The following EBF1 variants were observed in gnomAD, a reference collection of about 807,000 sequenced individuals.
EBF1 encodes EBF transcription factor 1.
A neutral mutation model predicts 68.4 loss-of-function variants in EBF1; 10 were observed. The ratio of observed to expected loss-of-function variants is 0.15; its 90% CI spans 0.09 to 0.25. The LOEUF (loss-of-function observed/expected upper bound fraction) is 0.25, where lower values mean the gene tolerates loss of function less well. Among genes scored for constraint, EBF1 ranks in the 10% least tolerant of loss-of-function variants. The probability of loss-of-function intolerance (pLI) is 1.00; values close to 1 mark genes in which losing one functional copy is unlikely to be tolerated. For synonymous variants in EBF1, 298 were observed against 299.8 expected (o/e 0.99, Z 0.06); for missense variants, 509 against 794.4 (o/e 0.64, Z 4.32).
chr5:158,801,560 T>C (rs1780584708), intron 8 of EBF1, among the ~76,000 whole-genome samples: 1 of 151,984 alleles, frequency 6.6e-6, no homozygotes, highest in Non-Finnish European at 1.5e-5. Context: ...GTGTTGAACT[T>C]TGGCTCAGGA....
chr5:159,047,554 C>T (rs532606746), intron 6 of EBF1, among the ~76,000 whole-genome samples: 109 of 152,094 alleles, frequency 7.2e-4, no homozygotes, highest in African/African-American at 2.5e-3. Flanking sequence ...GATGACTCCT[C>T]GGTTCCTATA....
At chr5:158,867,514 T>C (rs1464617798) in intron 6 of EBF1, among the ~76,000 whole-genome samples, 1 of 152,142 alleles carries the variant, frequency 6.6e-6, no homozygotes, top group African/African-American at 2.4e-5. Context: ...AGAGACACTT[T>C]GGGTCTTTGC....
At chr5:158,934,945 G>T (rs1402919551) in intron 6 of EBF1, among the ~76,000 whole-genome samples, 1 of 152,214 alleles carries the variant, frequency 6.6e-6, no homozygotes, top group Non-Finnish European at 1.5e-5. Context: ...AAACAGACTT[G>T]TTGAGTTTAA....
intron 6 of EBF1, among the ~76,000 whole-genome samples, chr5:158,997,533 A>G (rs974549981): frequency 9.2e-5 from 14 of 152,124 alleles, no homozygotes; most frequent in African/African-American, 2.4e-5. Context: ...AAATTCACCA[A>G]TGATGCCCAT....
intron 4 of EBF1, among the ~76,000 whole-genome samples, chr5:159,092,066 G>C (rs1454514455): frequency 6.6e-6 from 1 of 152,044 alleles, no homozygotes; most frequent in African/African-American, 2.4e-5. Context: ...ACTCACTATA[G>C]CAATCACAGA....
In EBF1 at chr5:158,698,645, T is replaced by C. The variant is rs1756123865; in HGVS notation, c.*466A>G. ...TCCTATTCTGTCCCATACAAGCTTT[T>C]TTTTTTTTCCTTTTTTTCTTTTTTT... On this transcript the variant is annotated 3_prime_UTR_variant, in exon 16 of 16. Transcript: ENST00000313708. 1 of 195,354 alleles carries C rather than the reference T, an allele frequency of 5.1e-6. No homozygotes were observed. Among genetic ancestry groups the C allele is most frequent in the East Asian group, 8.1e-5 (1 of 12,334 alleles). The allele number at this position is 195,354 out of a possible 1,614,324, so 12.1% of individuals were successfully genotyped here. A position where few individuals can be genotyped will look rare whatever the true frequency, so the allele number is the denominator to read the frequency against.
chr5:158,771,345 A>G (rs904467679), intron 10 of EBF1, among the ~76,000 whole-genome samples: 2 of 152,174 alleles, frequency 1.3e-5, no homozygotes, highest in Non-Finnish European at 2.9e-5. Context: ...AGATAAGAAA[A>G]TGAAATTCAT....
intron 6 of EBF1, among the ~76,000 whole-genome samples, chr5:159,003,212 T>C (rs771925443): frequency 5.9e-5 from 9 of 152,192 alleles, no homozygotes; most frequent in Non-Finnish European, 1.3e-4. Context: ...CATCACTGGG[T>C]GTGTCTTGCT....
intron 10 of EBF1, among the ~76,000 whole-genome samples, chr5:158,774,218 G>A (rs759507526): frequency 6.6e-6 from 1 of 152,098 alleles, no homozygotes; most frequent in Non-Finnish European, 1.5e-5. Flanking sequence ...ACCAATGAGG[G>A]AGAGATGTAC....
intron 9 of EBF1, among the ~76,000 whole-genome samples, chr5:158,780,485 T>A (rs1435550271): frequency 6.6e-6 from 1 of 152,178 alleles, no homozygotes. Context: ...ATTACATACT[T>A]AATAATTTAA....
chr5:159,023,187 C>G (rs1390926410), intron 6 of EBF1, among the ~76,000 whole-genome samples: 4 of 94,672 alleles, frequency 4.2e-5, no homozygotes, highest in Non-Finnish European at 6.8e-5. Context: ...AGAATTTTCT[C>G]ACTAAAAAAA....
intron 8 of EBF1, among the ~76,000 whole-genome samples, chr5:158,817,328 T>C (rs561083325): frequency 6.6e-6 from 1 of 152,288 alleles, no homozygotes; most frequent in East Asian, 1.9e-4. Context: ...TGTTGAAATG[T>C]AATTGCAGTT....
intron 6 of EBF1, among the ~76,000 whole-genome samples, chr5:158,870,807 T>C (rs1273318011): frequency 1.3e-5 from 2 of 152,230 alleles, no homozygotes; most frequent in East Asian, 3.8e-4. Flanking sequence ...CTTGTTTATA[T>C]TTAACATAGA....
intron 10 of EBF1, among the ~76,000 whole-genome samples, chr5:158,735,698 A>T (rs4990844): frequency 0.25 from 37,558 of 152,072 alleles, 6,278 homozygotes; most frequent in African/African-American, 0.48. Flanking sequence ...AAAAAAAGTT[A>T]ATGAAATGGT....
intron 7 of EBF1, among the ~76,000 whole-genome samples, chr5:158,832,866 C>T (rs1787891296): frequency 1.3e-5 from 2 of 152,142 alleles, no homozygotes; most frequent in South Asian, 4.1e-4. Flanking sequence ...AAAAGCAAAA[C>T]ACATTTTTGG....
chr5:158,709,311 G>A (rs183949664), intron 14 of EBF1, among the ~76,000 whole-genome samples: 6 of 149,940 alleles, frequency 4.0e-5, no homozygotes, highest in Admixed American at 2.0e-4. Flanking sequence ...ACCTTAAGTC[G>A]GGGCCTATCA....
At chr5:158,889,436 C>CAG (rs1800723435) in intron 6 of EBF1, among the ~76,000 whole-genome samples, 2 of 152,120 alleles carry the variant, frequency 1.3e-5, no homozygotes, top group Non-Finnish European at 2.9e-5. Flanking sequence ...TGTACAAGTC[C>CAG]TAGCAATTCC....
chr5:158,976,358 CA>C (rs1756748749), intron 6 of EBF1, among the ~76,000 whole-genome samples: 1 of 151,806 alleles, frequency 6.6e-6, no homozygotes, highest in Admixed American at 6.6e-5. Context: ...AACCCCCCTC[CA>C]GCTTGATTTC....
intron 6 of EBF1, among the ~76,000 whole-genome samples, chr5:158,886,379 A>G (rs1336165320): frequency 6.6e-6 from 1 of 152,238 alleles, no homozygotes; most frequent in East Asian, 1.9e-4. Flanking sequence ...GAAGTATAAC[A>G]TTCCAAGTTA....
Sources: gnomAD v4.1 joint callset for allele counts (sites outside exome capture counted in the v4.1 genomes callset) on GRCh38, gnomAD v4.1.1 for gene constraint, MANE v1.5 for transcripts, NCBI Gene and HGNC (gene_info 2026-07-23, HGNC 2026-07-21) for gene names.